Variants in LRRC37A2 observed in about 807,000 individuals in gnomAD.
LRRC37A2 encodes leucine-rich repeat-containing protein 37A2.
LRRC37A2 carries 9 observed loss-of-function variants against 68.8 expected under a neutral mutation model. That is an observed-to-expected ratio of 0.13 (90% CI 0.08 to 0.23). LRRC37A2 has a LOEUF of 0.23. Among genes scored for constraint, LRRC37A2 ranks in the 10% least tolerant of loss-of-function variants. The pLI is 1.00. For missense variants in LRRC37A2, 168 were observed against 950.4 expected (o/e 0.18, Z 10.82); for synonymous variants, 63 against 367.6 (o/e 0.17, Z 9.48).
the LRRC37A2 span, chr17:47,017,554 T>C: frequency 3.1e-6 from 5 of 1,598,002 alleles, no homozygotes; most frequent in Non-Finnish European, 3.4e-6. Flanking sequence ...GAGCTGCCCC[T>C]GGAGCCAGAG....
the LRRC37A2 span, chr17:46,923,195 G>C: frequency 6.5e-7 from 1 of 1,546,516 alleles, no homozygotes; most frequent in Non-Finnish European, 8.8e-7. Context: ...CCGGCGACAT[G>C]GATCCCCTGT....
At chr17:46,996,219 C>T in the LRRC37A2 span, among the ~76,000 whole-genome samples, 18 of 152,184 alleles carry the variant, frequency 1.2e-4, no homozygotes, top group African/African-American at 2.7e-4. Context: ...ACAGGAACAA[C>T]GGCTCCTTCA....
chr17:46,881,736 G>A, the LRRC37A2 span, among the ~76,000 whole-genome samples: 1 of 152,082 alleles, frequency 6.6e-6, no homozygotes, highest in Non-Finnish European at 1.5e-5. Context: ...TACCCTACCC[G>A]CAATATCCCT....
the LRRC37A2 span, chr17:47,027,705 ATATAAT>A: frequency 1.3e-6 from 1 of 745,822 alleles, no homozygotes; most frequent in South Asian, 1.5e-5. Flanking sequence ...TATTCTTGAA[ATATAAT>A]TAAAATTTTA....
the LRRC37A2 span, among the ~76,000 whole-genome samples, chr17:46,794,519 T>C: frequency 2.6e-5 from 4 of 152,198 alleles, no homozygotes; most frequent in African/African-American, 9.7e-5. Context: ...TAGTCAGCTC[T>C]GAGAAGGGCT....
At chr17:46,541,833 A>C (rs2941982) in intron 8 of LRRC37A2, among the ~76,000 whole-genome samples, 275 of 141,162 alleles carry the variant, frequency 1.9e-3, no homozygotes, top group Admixed American at 4.0e-3. Flanking sequence ...ATAAAAAAGA[A>C]CTCAGCATCT....
chr17:46,690,624 A>AAT, the LRRC37A2 span, among the ~76,000 whole-genome samples: 73 of 110,924 alleles, frequency 6.6e-4, no homozygotes, highest in East Asian at 1.9e-3. Context: ...AAAAAAAAAA[A>AAT]ATATATATAT....
the LRRC37A2 span, among the ~76,000 whole-genome samples, chr17:46,798,092 C>G: frequency 2.0e-5 from 3 of 152,178 alleles, no homozygotes; most frequent in Non-Finnish European, 4.4e-5. Context: ...ACACACCCAG[C>G]TAATTTTTGT....
chr17:46,935,415 C>T, the LRRC37A2 span: 1 of 1,426,500 alleles, frequency 7.0e-7, no homozygotes, highest in Non-Finnish European at 9.1e-7. Context: ...AGGTCTTTTC[C>T]CATTTACTGA....
At chr17:46,769,338 GAAAA>G in the LRRC37A2 span, among the ~76,000 whole-genome samples, 10 of 149,900 alleles carry the variant, frequency 6.7e-5, no homozygotes, top group Admixed American at 6.6e-4. Flanking sequence ...AAAAAGAAAA[GAAAA>G]AGAAAAAAGA....
At chr17:46,740,529 A>G in the LRRC37A2 span, among the ~76,000 whole-genome samples, 2 of 152,302 alleles carry the variant, frequency 1.3e-5, no homozygotes, top group Non-Finnish European at 1.5e-5. Flanking sequence ...TGTGGATATA[A>G]GAGTGGGGAG....
the LRRC37A2 span, among the ~76,000 whole-genome samples, chr17:46,389,155 A>G: frequency 1.3e-5 from 2 of 149,872 alleles, no homozygotes; most frequent in Non-Finnish European, 3.0e-5. Context: ...AGATCATGCC[A>G]CCGTACTCCA....
At chr17:46,737,852 C>G in the LRRC37A2 span, among the ~76,000 whole-genome samples, 1 of 151,780 alleles carries the variant, frequency 6.6e-6, no homozygotes, top group Admixed American at 6.6e-5. Flanking sequence ...CTAAGGAATT[C>G]AAGCGCTGCA....
the LRRC37A2 span, among the ~76,000 whole-genome samples, chr17:46,852,468 TG>T: frequency 1.6e-5 from 2 of 125,632 alleles, no homozygotes; most frequent in African/African-American, 6.1e-5. Context: ...AGGATCACAG[TG>T]GGGGGTGACA....
At chr17:46,454,300 A>G in the LRRC37A2 span, among the ~76,000 whole-genome samples, 1 of 96,140 alleles carries the variant, frequency 1.0e-5, no homozygotes, top group Non-Finnish European at 2.2e-5. Context: ...TTTGTAGGAA[A>G]AGAATCAACA....
At chr17:46,735,843 G>A in the LRRC37A2 span, among the ~76,000 whole-genome samples, 3 of 152,190 alleles carry the variant, frequency 2.0e-5, no homozygotes, top group African/African-American at 7.2e-5. Flanking sequence ...GACTCGGGAA[G>A]CTGAGGCAGG....
the LRRC37A2 span, among the ~76,000 whole-genome samples, chr17:46,912,112 G>A: frequency 6.6e-6 from 1 of 152,200 alleles, no homozygotes; most frequent in South Asian, 2.1e-4. Flanking sequence ...CTAGCCTCAT[G>A]CCACCTCTGC....
the LRRC37A2 span, among the ~76,000 whole-genome samples, chr17:46,987,678 C>T: frequency 6.6e-6 from 1 of 152,014 alleles, no homozygotes; most frequent in African/African-American, 2.4e-5. Flanking sequence ...TACACACATG[C>T]ATGTTTATAG....
chr17:46,418,195 GTGTGTGTGTGTGTGTGTGTT>G, the LRRC37A2 span, among the ~76,000 whole-genome samples: 1 of 43,494 alleles, frequency 2.3e-5, no homozygotes, highest in South Asian at 6.1e-3. Context: ...AAAATAAATT[GTGTGTGTGTGTGTGTGTGTT>G]TGTGTGTGTG....
Sources: gnomAD v4.1 joint callset for allele counts (sites outside exome capture counted in the v4.1 genomes callset) on GRCh38, gnomAD v4.1.1 for gene constraint, MANE v1.5 for transcripts, NCBI Gene and HGNC (gene_info 2026-07-23, HGNC 2026-07-21) for gene names.